SPTLC2: variants seen among roughly 807,000 people sequenced by gnomAD.
SPTLC2 encodes serine palmitoyltransferase long chain base subunit 2, also known as serine palmitoyltransferase 2.
Under a neutral mutation model 62.0 loss-of-function variants are expected in SPTLC2, and 21 were observed. That is an observed-to-expected ratio of 0.34 (90% CI 0.24 to 0.49). SPTLC2 has a LOEUF of 0.49. Ranked by LOEUF, SPTLC2 falls within the 20% of genes least tolerant of loss-of-function variation. The pLI, the probability that SPTLC2 is intolerant of heterozygous loss-of-function variation, is 0.99. For synonymous variants in SPTLC2, 261 were observed against 261.8 expected (o/e 1.00, Z 0.03); for missense variants, 511 against 713.0 (o/e 0.72, Z 3.23).
intron 9 of SPTLC2, among the ~76,000 whole-genome samples, chr14:77,547,998 A>T (rs1203514291): frequency 6.6e-6 from 1 of 151,508 alleles, no homozygotes; most frequent in African/African-American, 2.4e-5. Flanking sequence ...AATTAATTCA[A>T]ATGAGCCAAA....
intron 9 of SPTLC2, chr14:77,535,924 T>C (rs1315317744): frequency 2.2e-6 from 1 of 454,314 alleles, no homozygotes; most frequent in Non-Finnish European, 4.4e-6. Context: ...TAGGCACTGG[T>C]GACTAAATAC....
At chr14:77,599,949 TCTCC>T (rs2079868408) in intron 1 of SPTLC2, among the ~76,000 whole-genome samples, 1 of 152,172 alleles carries the variant, frequency 6.6e-6, no homozygotes, top group South Asian at 2.1e-4. Context: ...AGTGCTGAAC[TCTCC>T]CTAACTATGA....
intron 9 of SPTLC2, among the ~76,000 whole-genome samples, chr14:77,549,768 T>C (rs1480857179): frequency 6.6e-6 from 1 of 152,218 alleles, no homozygotes; most frequent in East Asian, 1.9e-4. Context: ...CCAAAGCCTA[T>C]ATATAATTAC....
intron 1 of SPTLC2, among the ~76,000 whole-genome samples, chr14:77,615,921 G>C (rs2079964030): frequency 6.6e-6 from 1 of 152,216 alleles, no homozygotes; most frequent in Non-Finnish European, 1.5e-5. Context: ...CAATGTCCTG[G>C]TTGGGGACTG....
At chr14:77,589,288 T>C (rs2079801747) in intron 2 of SPTLC2, among the ~76,000 whole-genome samples, 1 of 152,078 alleles carries the variant, frequency 6.6e-6, no homozygotes, top group Non-Finnish European at 1.5e-5. Flanking sequence ...TTCCTTGCTG[T>C]TTCTATGCTG....
intron 10 of SPTLC2, among the ~76,000 whole-genome samples, chr14:77,520,734 T>A (rs1456964936): frequency 6.6e-6 from 1 of 152,260 alleles, no homozygotes; most frequent in East Asian, 1.9e-4. Context: ...CTTTCCATTA[T>A]GTATGCCTCA....
intron 9 of SPTLC2, among the ~76,000 whole-genome samples, chr14:77,533,868 T>C (rs2079453876): frequency 6.6e-6 from 1 of 152,054 alleles, no homozygotes; most frequent in Non-Finnish European, 1.5e-5. Context: ...TCTTTTAGAA[T>C]AAATATGGGC....
intron 5 of SPTLC2, among the ~76,000 whole-genome samples, chr14:77,565,845 G>C (rs1305977437): frequency 6.6e-6 from 1 of 152,106 alleles, no homozygotes; most frequent in Non-Finnish European, 1.5e-5. Context: ...TGTTATGCAA[G>C]ATGTTAACAT....
At chr14:77,590,804 G>A (rs141497963) in intron 2 of SPTLC2, among the ~76,000 whole-genome samples, 336 of 152,318 alleles carry the variant, frequency 2.2e-3, no homozygotes, top group African/African-American at 7.5e-3. Context: ...GAAAGGGGGA[G>A]ACATGCTGCA....
chr14:77,592,345 G>C (rs901131531), intron 2 of SPTLC2, among the ~76,000 whole-genome samples: 27 of 151,770 alleles, frequency 1.8e-4, no homozygotes, highest in Middle Eastern at 3.4e-3. Flanking sequence ...ACGTTGGCCA[G>C]GCTGGTCTTG....
At chr14:77,593,456 C>G (rs1595010955) in intron 2 of SPTLC2, among the ~76,000 whole-genome samples, 1 of 152,264 alleles carries the variant, frequency 6.6e-6, no homozygotes, top group East Asian at 1.9e-4. Flanking sequence ...TGTTTCTGAA[C>G]TACTAGCTTC....
intron 9 of SPTLC2, among the ~76,000 whole-genome samples, chr14:77,543,779 A>C (rs1219722669): frequency 3.3e-5 from 5 of 152,170 alleles, no homozygotes; most frequent in Non-Finnish European, 5.9e-5. Flanking sequence ...CCACTGATTC[A>C]ATCAGCCAGA....
At chr14:77,581,233 A>G (rs2079748364) in intron 2 of SPTLC2, among the ~76,000 whole-genome samples, 2 of 152,178 alleles carry the variant, frequency 1.3e-5, no homozygotes, top group Admixed American at 6.5e-5. Context: ...TTATTCTGTA[A>G]AAGATTTTCA....
intron 1 of SPTLC2, among the ~76,000 whole-genome samples, chr14:77,603,049 T>C (rs2079886797): frequency 6.6e-6 from 1 of 152,238 alleles, no homozygotes; most frequent in African/African-American, 2.4e-5. Context: ...GAAATGATCC[T>C]GAATAAAGGT....
chr14:77,590,757 G>C (rs903591135), intron 2 of SPTLC2, among the ~76,000 whole-genome samples: 1 of 152,074 alleles, frequency 6.6e-6, no homozygotes, highest in African/African-American at 2.4e-5. Flanking sequence ...AAGTATGTTA[G>C]ACAGTGACAA....
chr14:77,526,252 A>G (rs1032251567), intron 9 of SPTLC2, among the ~76,000 whole-genome samples: 2 of 152,234 alleles, frequency 1.3e-5, no homozygotes, highest in African/African-American at 4.8e-5. Flanking sequence ...ATTTAACGCC[A>G]GTGTAGTAGC....
At chr14:77,606,373 C>CTGTGTGTGTG (rs59065946) in intron 1 of SPTLC2, among the ~76,000 whole-genome samples, 5,220 of 148,300 alleles carry the variant, frequency 0.035, 118 homozygotes, top group Middle Eastern at 0.062. Flanking sequence ...AGGGAGGGGA[C>CTGTGTGTGTG]TGTGTGTGTG....
At position 77,605,050 on chromosome 14, in the gene SPTLC2, T is replaced by C. The variant is rs114386071; in HGVS notation, c.133-7670A>G. Among the ~76,000 whole-genome samples the C allele has an allele frequency of 8.0e-3, 1,212 of 152,260 alleles. 24 individuals are homozygous for C. Among genetic ancestry groups the C allele is most frequent in the African/African-American group, 0.028 (1,153 of 41,532 alleles). ...AAGAGACAGGGTCTCACTCTGTTGC[T>C]GCCCAAGCTGGAGTAGAGTGGCGTA... is the stretch of plus-strand genomic sequence containing the variant. On this transcript the variant is annotated intron_variant, in intron 1 of 11. Coordinates refer to ENST00000216484, the MANE Select transcript of SPTLC2 (RefSeq NM_004863.4).
chr14:77,581,541 G>A (rs1292648555), intron 2 of SPTLC2, among the ~76,000 whole-genome samples: 1 of 150,834 alleles, frequency 6.6e-6, no homozygotes, highest in Non-Finnish European at 1.5e-5. Context: ...CTCCCAAGTA[G>A]CTGGGATTAC....
Sources: allele counts gnomAD v4.1 joint callset (sites outside exome capture counted in the v4.1 genomes callset), GRCh38; gene constraint gnomAD v4.1.1; transcripts MANE v1.5; gene names NCBI Gene and HGNC (gene_info 2026-07-23, HGNC 2026-07-21).